The following TRAF2 variants were observed in gnomAD, a reference collection of about 807,000 sequenced individuals.
The protein encoded by TRAF2 is TNF receptor-associated factor 2.
Under a neutral mutation model 55.6 loss-of-function variants are expected in TRAF2, and 6 were observed. That is an observed-to-expected ratio of 0.11 (90% CI 0.06 to 0.21). The LOEUF is 0.21. Ranked by LOEUF, TRAF2 falls within the 10% of genes least tolerant of loss-of-function variation. The pLI is 1.00. For missense variants in TRAF2, 561 were observed against 684.5 expected (o/e 0.82, Z 2.01); for synonymous variants, 329 against 276.3 (o/e 1.19, Z -1.89).
At chr9:136,908,682 T>C (rs944997449) in intron 5 of TRAF2, among the ~76,000 whole-genome samples, 3 of 152,026 alleles carry the variant, frequency 2.0e-5, no homozygotes, top group Non-Finnish European at 2.9e-5. Context: ...CTGGCTAACA[T>C]GGTGAAACCC....
In TRAF2 at chr9:136,920,491, C is replaced by T; in HGVS notation, c.936C>T (p.Asp312=). 3 of 1,612,494 alleles carry T rather than the reference C, an allele frequency of 1.9e-6. No individual in the cohort carries two copies. The highest frequency in any genetic ancestry group is 2.2e-5 in the East Asian group (1 of 44,854). The change falls in exon 8 of 11, where the codon GAC becomes GAT. Residue 312 remains aspartate (D), a synonymous_variant. Coordinates refer to ENST00000247668, the MANE Select transcript of TRAF2 (RefSeq NM_021138.4). ...ACSRQHRLDQ[D]KIEALSSKVQ... is the part of the protein sequence containing the mutation. The stretch of plus-strand genomic sequence containing the variant: ...GCCGGCAGCACCGGCTGGACCAAGA[C>T]AAGATTGAAGCCCTGAGTAGCAAGG...
intron 6 of TRAF2, 75 bp downstream of exon 6, chr9:136,910,069 G>GGT: frequency 2.0e-6 from 3 of 1,465,248 alleles, no homozygotes; most frequent in Non-Finnish European, 2.8e-6. Flanking sequence ...CGTGGGTGGG[G>GGT]GTGGGGCAGG....
chr9:136,898,888 G>A lies in TRAF2; in HGVS notation c.148G>A (p.Gly50Ser). ...CCGCAGGCCCTTCCAGGCGCAGTGT[G>A]GCCACCGGTACTGCTCCTTCTGCCT... ...VLRRPFQAQC[G>S]HRYCSFCLAS... The change falls in exon 2 of 11, where the codon GGC becomes AGC. Residue 50 changes from glycine to serine, a missense_variant. By Grantham distance (56) the Gly-to-Ser change is moderately conservative. Transcript: ENST00000247668. The A allele has an allele frequency of 6.2e-7, 1 of 1,612,500 alleles. No homozygotes were observed. The highest frequency in any genetic ancestry group is 8.5e-7 in the Non-Finnish European group (1 of 1,179,658).
chr9:136,882,477 C>T (rs974357300), upstream of TRAF2, among the ~76,000 whole-genome samples: 7 of 152,226 alleles, frequency 4.6e-5, no homozygotes, highest in Non-Finnish European at 2.9e-5. Flanking sequence ...CGTCAGGACA[C>T]GGAGCCCAGG....
chr9:136,909,138 C>CGGT (rs1850035812), intron 5 of TRAF2, among the ~76,000 whole-genome samples: 1 of 149,576 alleles, frequency 6.7e-6, no homozygotes, highest in South Asian at 2.1e-4. Flanking sequence ...GTAGAGAGTG[C>CGGT]GGTGGTGGGT....
chr9:136,913,496 A>G (rs1217350655), intron 6 of TRAF2, among the ~76,000 whole-genome samples: 5 of 151,348 alleles, frequency 3.3e-5, no homozygotes, highest in Non-Finnish European at 5.9e-5. Context: ...ACGGGGTTTC[A>G]CTATGTTGGC....
At chr9:136,893,467 G>A (rs1361504408) in intron 1 of TRAF2, among the ~76,000 whole-genome samples, 5 of 152,358 alleles carry the variant, frequency 3.3e-5, no homozygotes, top group East Asian at 1.9e-4. Flanking sequence ...GCAGGTCAGG[G>A]ATGAGGTCGC....
intron 8 of TRAF2, 28 bp from the exon 9 acceptor site, chr9:136,921,010 G>A (rs1219374397): frequency 1.2e-6 from 2 of 1,612,214 alleles, no homozygotes; most frequent in Admixed American, 3.3e-5. Context: ...CCTCCTGTAA[G>A]AGGGAAGGTG....
In TRAF2 at chr9:136,920,320, G is replaced by T. The variant is rs1564420776; in HGVS notation, c.765G>T (p.Lys255Asn). The change falls in exon 8 of 11, where the codon AAG becomes AAT. Residue 255 changes from lysine to asparagine, a missense_variant. By Grantham distance (94) the Lys-to-Asn change is moderately conservative. Coordinates refer to ENST00000247668, the MANE Select transcript of TRAF2 (RefSeq NM_021138.4). ...AMLLSSVLEA[K>N]PLLGDQSHAG... Reference sequence around the variant, plus strand: ...TACTGAGCTCGGTGCTGGAGGCAAAGCCCCTCTTGGGAGACCAGAGCCACG... The same window carrying T: ...TACTGAGCTCGGTGCTGGAGGCAAATCCCCTCTTGGGAGACCAGAGCCACG... 1 of 1,613,970 alleles carries T rather than the reference G, an allele frequency of 6.2e-7. No individual in the cohort carries two copies. The highest frequency in any genetic ancestry group is 2.2e-5 in the East Asian group (1 of 44,884).
intron 1 of TRAF2, among the ~76,000 whole-genome samples, chr9:136,887,511 G>C (rs960945985): frequency 6.6e-6 from 1 of 152,140 alleles, no homozygotes; most frequent in Non-Finnish European, 1.5e-5. Context: ...GGGCCGACAG[G>C]GGGTGGGGTG....
chr9:136,920,613 C>A, intron 8 of TRAF2, 98 bp downstream of exon 8: 1 of 1,416,840 alleles, frequency 7.1e-7, no homozygotes. Flanking sequence ...AGCTTTAGAG[C>A]CCGGACAATG....
At chr9:136,904,054 C>T (rs940664741) in intron 4 of TRAF2, among the ~76,000 whole-genome samples, 7 of 152,196 alleles carry the variant, frequency 4.6e-5, no homozygotes, top group Admixed American at 1.3e-4. Flanking sequence ...AGAGGTGTGC[C>T]GCTGCCCCAC....
chr9:136,908,277 G>T, intron 5 of TRAF2, 46 bp downstream of exon 5: 1 of 1,510,144 alleles, frequency 6.6e-7, no homozygotes, highest in Non-Finnish European at 8.8e-7. Context: ...GCCATGCGGG[G>T]CTGAGCTGGG....
chr9:136,907,736 C>T (rs1304360454), intron 4 of TRAF2, among the ~76,000 whole-genome samples: 3 of 152,142 alleles, frequency 2.0e-5, no homozygotes, highest in African/African-American at 4.8e-5. Context: ...GTGGCAGGGA[C>T]CCGCTGGCGC....
chr9:136,889,981 C>T (rs946435817), intron 1 of TRAF2, among the ~76,000 whole-genome samples: 5 of 73,834 alleles, frequency 6.8e-5, no homozygotes, highest in African/African-American at 2.9e-4. Context: ...CAGCCGGTCA[C>T]CGCGTGTGTG....
At chr9:136,908,022 C>A in intron 4 of TRAF2, 48 bp from the exon 5 acceptor site, 1 of 1,561,144 alleles carries the variant, frequency 6.4e-7, no homozygotes, top group South Asian at 1.2e-5. Flanking sequence ...TGTGGCTGCC[C>A]AAATGTCCCA....
chr9:136,884,969 C>T (rs1386293437), upstream of TRAF2, among the ~76,000 whole-genome samples: 3 of 152,214 alleles, frequency 2.0e-5, no homozygotes, highest in Non-Finnish European at 4.4e-5. Flanking sequence ...AGTTCCTGGG[C>T]TTGAGCAACC....
chr9:136,919,042 ATATTTATTTATT>A (rs57654341), intron 7 of TRAF2, among the ~76,000 whole-genome samples: 4 of 138,326 alleles, frequency 2.9e-5, no homozygotes, highest in African/African-American at 8.2e-5. Flanking sequence ...GCCTATTTTA[ATATTTATTTATT>A]TATTTATTTA....
chr9:136,886,238 G>A, upstream of TRAF2: 1 of 233,528 alleles, frequency 4.3e-6, no homozygotes, highest in South Asian at 1.6e-4. Flanking sequence ...CCGCACCAAC[G>A]CCCCGGCGCG....
Sources: allele counts gnomAD v4.1 joint callset (sites outside exome capture counted in the v4.1 genomes callset), GRCh38; gene constraint gnomAD v4.1.1; transcripts MANE v1.5; gene names NCBI Gene and HGNC (gene_info 2026-07-23, HGNC 2026-07-21).